SLC8A3: variants seen among roughly 807,000 people sequenced by gnomAD.
SLC8A3 encodes sodium/calcium exchanger 3.
A neutral mutation model predicts 65.4 loss-of-function variants in SLC8A3; 37 were observed. That is an observed-to-expected ratio of 0.57 (90% CI 0.44 to 0.74). The LOEUF (loss-of-function observed/expected upper bound fraction) is 0.74, where lower values mean the gene tolerates loss of function less well. Ranked by LOEUF, SLC8A3 falls within the 30% of genes least tolerant of loss-of-function variation. The probability of loss-of-function intolerance (pLI) is 0.00; values close to 1 mark genes in which losing one functional copy is unlikely to be tolerated. For missense variants in SLC8A3, 1,112 were observed against 1,172.1 expected (o/e 0.95, Z 0.75); for synonymous variants, 461 against 444.5 (o/e 1.04, Z -0.47).
chr14:70,151,627 TTA>T (rs1397605770), intron 2 of SLC8A3, among the ~76,000 whole-genome samples: 1 of 152,214 alleles, frequency 6.6e-6, no homozygotes, highest in Non-Finnish European at 1.5e-5. Context: ...GTTGTATGTA[TTA>T]GTTTCCTATG....
Position 70,045,554 on chromosome 14 carries a change from A to G in SLC8A3, c.*393T>C, listed in dbSNP as rs924786765. 3.0e-5 allele frequency: 5 copies of G among 168,440 alleles called. No homozygotes were observed. Among genetic ancestry groups the G allele is most frequent in the African/African-American group, 1.2e-4 (5 of 42,018 alleles). 10.4% of individuals were successfully genotyped at this position (168,440 alleles called of 1,614,324 possible). A position where few individuals can be genotyped will look rare whatever the true frequency, so the allele number is the denominator to read the frequency against. On this transcript the variant is annotated 3_prime_UTR_variant, in exon 7 of 7. Transcript: ENST00000356921. Reference sequence around the variant, plus strand: ...GTCAGCTGAGTGAGATAATAGGGACATATGGAATTGGGCAGAGAGGAGAAA... The same window carrying G: ...GTCAGCTGAGTGAGATAATAGGGACGTATGGAATTGGGCAGAGAGGAGAAA...
At chr14:70,096,336 T>C (rs563653814) in intron 2 of SLC8A3, among the ~76,000 whole-genome samples, 12 of 152,304 alleles carry the variant, frequency 7.9e-5, no homozygotes, top group African/African-American at 2.9e-4. Context: ...TCATGTCCAA[T>C]TGTCACAGCA....
chr14:70,163,242 A>G lies in SLC8A3; in HGVS notation c.1784+3397T>C, dbSNP rs1254808534. 3.9e-5 allele frequency among the ~76,000 whole-genome samples: 6 copies of G among 152,380 alleles called. No homozygotes were observed. In the East Asian group the frequency reaches 1.2e-3, roughly 29 times the overall value. On this transcript the variant is annotated intron_variant, in intron 2 of 6. Coordinates refer to ENST00000356921, the MANE Select transcript of SLC8A3 (RefSeq NM_182932.3). ...AGAATATTATTTCTGTTGTCCAACA[A>G]AAACCTGGTACTCAGAAAAGTGATG...
chr14:70,070,032 G>C (rs1229352070), intron 2 of SLC8A3, among the ~76,000 whole-genome samples: 1 of 152,096 alleles, frequency 6.6e-6, no homozygotes, highest in Admixed American at 6.5e-5. Flanking sequence ...TTGAATGCTA[G>C]TGCCAGTCAA....
intron 2 of SLC8A3, among the ~76,000 whole-genome samples, chr14:70,160,668 TAGG>T (rs1197083646): frequency 1.3e-5 from 2 of 151,954 alleles, no homozygotes; most frequent in African/African-American, 4.8e-5. Flanking sequence ...CTGACTTAGG[TAGG>T]AGAATTGCTG....
intron 1 of SLC8A3, among the ~76,000 whole-genome samples, chr14:70,169,698 G>A (rs549216730): frequency 1.4e-4 from 20 of 145,298 alleles, no homozygotes; most frequent in Non-Finnish European, 2.6e-4. Context: ...AAGTGGGGGG[G>A]GGGGCGATCT....
intron 5 of SLC8A3, among the ~76,000 whole-genome samples, chr14:70,050,325 T>C (rs1887339131): frequency 1.3e-5 from 2 of 152,156 alleles, no homozygotes; most frequent in African/African-American, 2.4e-5. Context: ...GCCTTGGGGA[T>C]ATGACCCTGT....
intron 1 of SLC8A3, among the ~76,000 whole-genome samples, chr14:70,177,795 A>T: frequency 6.6e-6 from 1 of 152,192 alleles, no homozygotes; most frequent in East Asian, 1.9e-4. Context: ...GTTTTTAATC[A>T]TAGGAGGGAC....
intron 2 of SLC8A3, among the ~76,000 whole-genome samples, chr14:70,072,443 A>G (rs1461726998): frequency 2.6e-5 from 4 of 151,728 alleles, no homozygotes; most frequent in African/African-American, 9.7e-5. Flanking sequence ...CTTTTTTTTT[A>G]AGGTTTTCAT....
At chr14:70,059,717 C>T (rs149201133) in intron 3 of SLC8A3, among the ~76,000 whole-genome samples, 264 of 152,218 alleles carry the variant, frequency 1.7e-3, no homozygotes, top group Non-Finnish European at 3.0e-3. Context: ...GGGATCTGGG[C>T]GGTACTTTCT....
intron 1 of SLC8A3, among the ~76,000 whole-genome samples, chr14:70,168,810 T>C (rs954294926): frequency 3.9e-5 from 6 of 152,218 alleles, no homozygotes; most frequent in Admixed American, 6.5e-5. Flanking sequence ...ATAGGCCATG[T>C]ATAACCTGAA....
chr14:70,094,049 A>C lies in SLC8A3; in HGVS notation c.1785-33110T>G, dbSNP rs1296173764. Reference sequence around the variant, plus strand: ...TGTGGGCCAGCATGGAAAAGTGGCCAGGGGAGCCCCATCTAGTTCTGACTC... The same window carrying C: ...TGTGGGCCAGCATGGAAAAGTGGCCCGGGGAGCCCCATCTAGTTCTGACTC... On this transcript the variant is annotated intron_variant, in intron 2 of 6. Transcript: ENST00000356921. Among the ~76,000 whole-genome samples, 3 of 152,218 alleles carry C rather than the reference A, an allele frequency of 2.0e-5. No individual in the cohort carries two copies. In the East Asian group the frequency reaches 5.8e-4, roughly 29 times the overall value.
At chr14:70,094,551 G>A (rs1159591070) in intron 2 of SLC8A3, among the ~76,000 whole-genome samples, 2 of 152,228 alleles carry the variant, frequency 1.3e-5, no homozygotes, top group Non-Finnish European at 2.9e-5. Flanking sequence ...TCCCCAACCT[G>A]CTGAGACCCA....
At chr14:70,145,712 A>G (rs1895880211) in intron 2 of SLC8A3, among the ~76,000 whole-genome samples, 1 of 152,200 alleles carries the variant, frequency 6.6e-6, no homozygotes, top group Admixed American at 6.5e-5. Context: ...ACATGAAAGA[A>G]ACGTATAAAC....
At chr14:70,147,991 T>A (rs8011350) in intron 2 of SLC8A3, among the ~76,000 whole-genome samples, 64,422 of 152,098 alleles carry the variant, frequency 0.42, 14,541 homozygotes, top group East Asian at 0.94. Flanking sequence ...TGACTCAGGA[T>A]GGTTCGACCG....
intron 2 of SLC8A3, among the ~76,000 whole-genome samples, chr14:70,133,204 C>CA (rs921222026): frequency 7.3e-5 from 11 of 150,870 alleles, no homozygotes; most frequent in Admixed American, 2.0e-4. Context: ...TTGTTCAAGC[C>CA]AAAAAAAATG....
At chr14:70,091,995 T>C (rs1199061876) in intron 2 of SLC8A3, among the ~76,000 whole-genome samples, 1 of 152,198 alleles carries the variant, frequency 6.6e-6, no homozygotes, top group Non-Finnish European at 1.5e-5. Context: ...ACCACGTTAC[T>C]TCCTATGCAA....
intron 2 of SLC8A3, among the ~76,000 whole-genome samples, chr14:70,159,534 G>T (rs778883052): frequency 6.6e-6 from 1 of 152,196 alleles, no homozygotes; most frequent in East Asian, 1.9e-4. Context: ...TAGCTAAAGG[G>T]TGGAGAAGGA....
At chr14:70,154,401 T>C (rs11851571) in intron 2 of SLC8A3, among the ~76,000 whole-genome samples, 30,570 of 152,180 alleles carry the variant, frequency 0.2, 3,261 homozygotes, top group Middle Eastern at 0.25. Flanking sequence ...ACCGTCAGTC[T>C]CACTTCCCAA....
Sources: gnomAD v4.1 joint callset for allele counts (sites outside exome capture counted in the v4.1 genomes callset) on GRCh38, gnomAD v4.1.1 for gene constraint, MANE v1.5 for transcripts, NCBI Gene and HGNC (gene_info 2026-07-23, HGNC 2026-07-21) for gene names.